Variants in VAMP7 observed in about 807,000 individuals in gnomAD.
The protein encoded by VAMP7 is vesicle-associated membrane protein 7.
VAMP7 carries 14 observed loss-of-function variants against 29.6 expected under a neutral mutation model. The ratio of observed to expected loss-of-function variants is 0.47; its 90% CI spans 0.31 to 0.74. The LOEUF is 0.74. Among genes scored for constraint, VAMP7 ranks in the 30% least tolerant of loss-of-function variants. The pLI, the probability that VAMP7 is intolerant of heterozygous loss-of-function variation, is 0.05. For missense variants in VAMP7, 223 were observed against 262.4 expected (o/e 0.85, Z 1.04); for synonymous variants, 95 against 88.1 (o/e 1.08, Z -0.44).
intron 1 of VAMP7, among the ~76,000 whole-genome samples, chrX:155,888,686 C>A (rs183767198): frequency 3.9e-5 from 6 of 152,240 alleles, no homozygotes; most frequent in Admixed American, 3.9e-4. Context: ...AAGGGTCTTA[C>A]CATTCCTTTC....
chrX:155,921,019 GA>G (rs1490652130), intron 6 of VAMP7, among the ~76,000 whole-genome samples: 1 of 152,112 alleles, frequency 6.6e-6, no homozygotes, highest in African/African-American at 2.4e-5. Context: ...GGGGAGCAAA[GA>G]AAACAGAGAA....
intron 6 of VAMP7, among the ~76,000 whole-genome samples, chrX:155,925,685 A>T (rs1328233782): frequency 6.6e-6 from 1 of 151,630 alleles, no homozygotes; most frequent in Non-Finnish European, 1.5e-5. Context: ...CAGGTCTTAG[A>T]TAGATAAGAG....
chrX:155,913,642 T>G (rs1186989548), intron 5 of VAMP7, among the ~76,000 whole-genome samples: 1 of 152,210 alleles, frequency 6.6e-6, no homozygotes, highest in African/African-American at 2.4e-5. Context: ...CCTTTCCCCA[T>G]TGCTTGTTTT....
chrX:155,893,014 A>G (rs969650778), intron 2 of VAMP7, among the ~76,000 whole-genome samples: 14 of 151,842 alleles, frequency 9.2e-5, no homozygotes, highest in Non-Finnish European at 1.9e-4. Context: ...CGGCCTCCCA[A>G]AGTGCTGGGA....
In VAMP7 at chrX:155,941,820, A is replaced by G. The variant is rs2066747321; in HGVS notation, c.595-63A>G. 7 of 1,507,290 alleles carry G rather than the reference A, an allele frequency of 4.6e-6. No individual in the cohort carries two copies. In the South Asian group the frequency reaches 6.3e-5, roughly 13 times the overall value. The allele number at this position is 1,507,290 out of a possible 1,614,324, so 93.4% of individuals were successfully genotyped here. On this transcript the variant is annotated intron_variant, in intron 7 of 7. Transcript: ENST00000286448. The stretch of plus-strand genomic sequence containing the variant: ...TCTTAATAAGGCTCTACTTTCCTAT[A>G]TATATTATTTAGAATAATATGATTG...
In VAMP7 at chrX:155,942,024, T is replaced by G. The variant is rs780886605; in HGVS notation, c.*73T>G. ...AAAAGCAATCCATGTGACTCAAGCC[T>G]TTCACATACTGACAGATGGTATCTG... On this transcript the variant is annotated 3_prime_UTR_variant, in exon 8 of 8. Transcript: ENST00000286448. 4 of 1,612,324 alleles carry G rather than the reference T, an allele frequency of 2.5e-6. No homozygotes were observed. In the African/African-American group the frequency reaches 4.0e-5, roughly 16 times the overall value.
chrX:155,924,013 A>G (rs764985568), intron 6 of VAMP7, among the ~76,000 whole-genome samples: 55 of 152,262 alleles, frequency 3.6e-4, no homozygotes, highest in Non-Finnish European at 7.4e-4. Context: ...TATGAAGTAT[A>G]TTTATAATTG....
chrX:155,908,295 G>A (rs1346354977), intron 5 of VAMP7, among the ~76,000 whole-genome samples: 15 of 152,320 alleles, frequency 9.8e-5, no homozygotes, highest in South Asian at 8.3e-4. Flanking sequence ...ACGAGACTCC[G>A]TCTGCAATCC....
chrX:155,932,870 A>C, intron 6 of VAMP7, among the ~76,000 whole-genome samples: 1 of 152,168 alleles, frequency 6.6e-6, no homozygotes, highest in Non-Finnish European at 1.5e-5. Flanking sequence ...ATTTTGAAAT[A>C]CGTCCCATCA....
chrX:155,898,222 G>T lies in VAMP7; in HGVS notation c.315G>T (p.Glu105Asp). 6.2e-7 allele frequency: 1 copy of T among 1,613,512 alleles called. No homozygotes were observed. Among genetic ancestry groups the T allele is most frequent in the Non-Finnish European group, 8.5e-7 (1 of 1,179,604 alleles). The change falls in exon 4 of 8, where the codon GAG (glutamate) becomes GAT (aspartate). Residue 105 changes from glutamate to aspartate, a missense_variant. Transcript: ENST00000286448. The part of the protein sequence containing the change: ...QTALPYAMNS[E>D]FSSVLAAQLK... ...CACTTCCATATGCCATGAATAGCGA[G>T]TTCTCAAGTGTCTTAGCTGCACAGC...
intron 5 of VAMP7, among the ~76,000 whole-genome samples, chrX:155,916,082 T>C (rs1255232063): frequency 5.3e-5 from 8 of 152,236 alleles, no homozygotes; most frequent in Non-Finnish European, 1.0e-4. Context: ...GCTCTTCTTG[T>C]TGCATTGATC....
chrX:155,891,715 C>T (rs2065927295), intron 2 of VAMP7, among the ~76,000 whole-genome samples: 1 of 152,232 alleles, frequency 6.6e-6, no homozygotes, highest in African/African-American at 2.4e-5. Flanking sequence ...ACTCCCTCAC[C>T]CTTTTTCCCT....
chrX:155,905,825 T>C (rs1339471817), intron 5 of VAMP7, among the ~76,000 whole-genome samples: 3 of 152,230 alleles, frequency 2.0e-5, no homozygotes, highest in Non-Finnish European at 4.4e-5. Context: ...TCAGGAAATA[T>C]TCATCTTCCA....
intron 1 of VAMP7, among the ~76,000 whole-genome samples, chrX:155,882,438 A>G (rs2065813782): frequency 6.6e-6 from 1 of 152,222 alleles, no homozygotes; most frequent in South Asian, 2.1e-4. Context: ...AGGTCAGGGC[A>G]TCGTCCAGAA....
chrX:155,892,252 C>G (rs1047077237), intron 2 of VAMP7, among the ~76,000 whole-genome samples: 1 of 152,042 alleles, frequency 6.6e-6, no homozygotes, highest in Admixed American at 6.6e-5. Flanking sequence ...TCCCCCTAAG[C>G]CTCCTTGTAA....
intron 5 of VAMP7, among the ~76,000 whole-genome samples, chrX:155,918,533 C>T (rs1345165098): frequency 6.6e-6 from 1 of 152,150 alleles, no homozygotes; most frequent in Non-Finnish European, 1.5e-5. Context: ...ACGGCACGGT[C>T]CCTCAAGGCT....
At chrX:155,931,916 T>G (rs1295260121) in intron 6 of VAMP7, among the ~76,000 whole-genome samples, 3 of 152,200 alleles carry the variant, frequency 2.0e-5, no homozygotes, top group Admixed American at 6.5e-5. Flanking sequence ...AGTTTCAGCT[T>G]TCTCCATATG....
intron 7 of VAMP7, 22 bp from the exon 8 acceptor site, chrX:155,941,861 A>G: frequency 6.2e-7 from 1 of 1,608,574 alleles, no homozygotes; most frequent in South Asian, 1.1e-5. Context: ...AGAAAATAAA[A>G]TTGCTCTCCT....
intron 5 of VAMP7, among the ~76,000 whole-genome samples, chrX:155,919,122 T>C (rs140998363): frequency 0.016 from 2,512 of 152,292 alleles, 53 homozygotes; most frequent in South Asian, 0.085. Context: ...TTCCCTCCTC[T>C]TGAATTTTTT....
Sources: gnomAD v4.1 joint callset for allele counts (sites outside exome capture counted in the v4.1 genomes callset) on GRCh38, gnomAD v4.1.1 for gene constraint, MANE v1.5 for transcripts, NCBI Gene and HGNC (gene_info 2026-07-23, HGNC 2026-07-21) for gene names.